ARR3: variants seen among roughly 807,000 people sequenced by gnomAD.
The protein encoded by ARR3 is arrestin-C.
A neutral mutation model predicts 35.4 loss-of-function variants in ARR3; 14 were observed. That is an observed-to-expected ratio of 0.40 (90% CI 0.26 to 0.62). The LOEUF is 0.62. Ranked by LOEUF, ARR3 falls within the 20% of genes least tolerant of loss-of-function variation. The pLI, the probability that ARR3 is intolerant of heterozygous loss-of-function variation, is 0.46. For missense variants in ARR3, 259 were observed against 303.8 expected (o/e 0.85, Z 1.10); for synonymous variants, 97 against 119.1 (o/e 0.81, Z 1.21).
chrX:70,277,524 A>C lies in ARR3; in HGVS notation c.604A>C (p.Arg202=). ...QPLQLQAWMD[R]EVHYHGEPIS... The stretch of plus-strand genomic sequence containing the variant: ...CCTACAACTCCAGGCCTGGATGGAC[A>C]GGGAGGTTTGTGACCCCCACTTTTT... Residue 202 remains arginine, a synonymous_variant, in exon 9 of 17, where the codon AGG becomes CGG. Coordinates refer to ENST00000307959, the MANE Select transcript of ARR3 (RefSeq NM_004312.3). 1 of 1,209,438 alleles carries C rather than the reference A, an allele frequency of 8.3e-7. No individual in the cohort carries two copies.
intron 8 of ARR3, 91 bp downstream of exon 8, chrX:70,276,827 C>T (rs2085655409): frequency 2.2e-5 from 18 of 801,071 alleles, no homozygotes; most frequent in Non-Finnish European, 3.1e-5. Context: ...CCACTTCTAA[C>T]CTCCACAGCC....
chrX:70,269,298 G>T, intron 1 of ARR3, 58 bp from the exon 2 acceptor site: 4 of 1,151,043 alleles, frequency 3.5e-6, no homozygotes, highest in Admixed American at 2.4e-5. Flanking sequence ...GTATGCTGGA[G>T]TGGGGTGAGA....
intron 11 of ARR3, 58 bp from the exon 12 acceptor site, chrX:70,278,445 TA>T: frequency 8.6e-7 from 1 of 1,164,662 alleles, no homozygotes; most frequent in Non-Finnish European, 1.2e-6. Context: ...CTCTTGGGAG[TA>T]AAAGTATGCT....
At chrX:70,277,094 A>T (rs1967830338) in intron 8 of ARR3, among the ~76,000 whole-genome samples, 2 of 112,964 alleles carry the variant, frequency 1.8e-5, no homozygotes, top group Admixed American at 1.9e-4. Flanking sequence ...ATTTCATGTA[A>T]TGTCCACATG....
At chrX:70,278,393 T>C in intron 11 of ARR3, 111 bp from the exon 12 acceptor site, 2 of 967,003 alleles carry the variant, frequency 2.1e-6, no homozygotes, top group South Asian at 2.4e-5. Context: ...GTTACCTCTC[T>C]TGGATACTCC....
intron 12 of ARR3, 87 bp from the exon 13 acceptor site, chrX:70,280,108 T>C (rs1274901359): frequency 5.9e-6 from 5 of 842,075 alleles, no homozygotes; most frequent in Non-Finnish European, 8.8e-6. Flanking sequence ...TAGGGTGTGG[T>C]GATAGGAATG....
chrX:70,280,654 A>G (rs1164816103), intron 14 of ARR3, 72 bp downstream of exon 14: 4 of 1,190,961 alleles, frequency 3.4e-6, no homozygotes, highest in African/African-American at 3.5e-5. Flanking sequence ...CAAAATAATG[A>G]TTGATTCTGG....
intron 12 of ARR3, among the ~76,000 whole-genome samples, chrX:70,278,987 C>A (rs1295028270): frequency 8.9e-6 from 1 of 112,911 alleles, no homozygotes; most frequent in Non-Finnish European, 1.9e-5. Context: ...TTCTTATTCC[C>A]TTTTACACTT....
intron 13 of ARR3, 101 bp downstream of exon 13, chrX:70,280,379 C>T: frequency 4.0e-6 from 4 of 992,841 alleles, no homozygotes; most frequent in Non-Finnish European, 5.6e-6. Flanking sequence ...AAACCATTCC[C>T]CACCCTTTCT....
downstream of ARR3, chrX:70,281,868 T>G (rs895531258): frequency 1.5e-6 from 1 of 681,956 alleles, no homozygotes; most frequent in African/African-American, 2.2e-5. Flanking sequence ...TATTTCCTCT[T>G]CCTGGAGGGT....
In ARR3 at chrX:70,281,715, C is replaced by T. The variant is rs1569223613; in HGVS notation, c.1116C>T (p.Gly372=). 8.4e-7 allele frequency: 1 copy of T among 1,187,560 alleles called. No homozygotes were observed. The part of the protein sequence containing the change: ...DIVIEEFTRK[G]EEESQKAVEA... ...TCATCGAGGAGTTTACGCGGAAAGGCGAGGAGGAGAGCCAGAAGGCTGTGG... is the reference window on the plus strand; with the variant it reads ...TCATCGAGGAGTTTACGCGGAAAGGTGAGGAGGAGAGCCAGAAGGCTGTGG... Residue 372 remains glycine, a synonymous_variant, in exon 17 of 17, where the codon GGC becomes GGT. Transcript: ENST00000307959.
At chrX:70,274,292 C>T (rs1264855191) in intron 5 of ARR3, among the ~76,000 whole-genome samples, 3 of 108,020 alleles carry the variant, frequency 2.8e-5, no homozygotes, top group African/African-American at 1.0e-4. Flanking sequence ...ACCTCCGCCT[C>T]CCGAGTTCAA....
At chrX:70,271,718 T>G (rs2085630686) in intron 5 of ARR3, among the ~76,000 whole-genome samples, 1 of 112,308 alleles carries the variant, frequency 8.9e-6, no homozygotes, top group South Asian at 3.7e-4. Flanking sequence ...ATAACAGGTA[T>G]TAACAGTAGT....
chrX:70,281,028 C>A, intron 15 of ARR3, 71 bp from the exon 16 acceptor site: 2 of 1,094,166 alleles, frequency 1.8e-6, no homozygotes, highest in Non-Finnish European at 2.5e-6. Context: ...AAAGATACTT[C>A]TTCAGGGAAC....
At chrX:70,278,019 A>C (rs775361158) in intron 10 of ARR3, 47 bp from the exon 11 acceptor site, 1 of 1,164,673 alleles carries the variant, frequency 8.6e-7, no homozygotes, top group South Asian at 1.8e-5. Flanking sequence ...TGGGGTCTCA[A>C]GGATGACTGA....
At chrX:70,272,849 T>C (rs755862161) in intron 5 of ARR3, among the ~76,000 whole-genome samples, 138 of 112,669 alleles carry the variant, frequency 1.2e-3, no homozygotes, top group Non-Finnish European at 2.1e-3. Flanking sequence ...TGGTGTTTGA[T>C]GTTTTGAGTT....
At chrX:70,272,446 C>A (rs1198246804) in intron 5 of ARR3, among the ~76,000 whole-genome samples, 1 of 112,077 alleles carries the variant, frequency 8.9e-6, no homozygotes, top group Admixed American at 9.5e-5. Context: ...ACTAAAAATG[C>A]TATACTAAAA....
chrX:70,281,180 A>C, intron 16 of ARR3, 72 bp downstream of exon 16: 1 of 1,149,245 alleles, frequency 8.7e-7, no homozygotes, highest in Non-Finnish European at 1.2e-6. Context: ...TGACGATAGA[A>C]ATGTGAAAAT....
At chrX:70,281,504 G>A (rs753169873) in intron 16 of ARR3, among the ~76,000 whole-genome samples, 172 bp from the exon 17 acceptor site, 13 of 111,342 alleles carry the variant, frequency 1.2e-4, no homozygotes, top group Non-Finnish European at 2.1e-4. Context: ...GGAATGAAAG[G>A]AAACAAGCCA....
Sources: gnomAD v4.1 joint callset for allele counts (sites outside exome capture counted in the v4.1 genomes callset) on GRCh38, gnomAD v4.1.1 for gene constraint, MANE v1.5 for transcripts, NCBI Gene and HGNC (gene_info 2026-07-23, HGNC 2026-07-21) for gene names.